The following SGCZ variants were observed in gnomAD, a reference collection of about 807,000 sequenced individuals.
SGCZ encodes sarcoglycan zeta, also known as zeta-sarcoglycan.
Under a neutral mutation model 41.3 loss-of-function variants are expected in SGCZ, and 40 were observed. The observed-to-expected ratio is 0.97, with a 90% CI of 0.75 to 1.26. The LOEUF (loss-of-function observed/expected upper bound fraction) is 1.26. Among genes scored for constraint, SGCZ ranks in the 50% most tolerant of loss-of-function variants. The pLI is 0.00. For missense variants in SGCZ, 552 were observed against 369.8 expected (o/e 1.49, Z -4.04); for synonymous variants, 206 against 137.5 (o/e 1.50, Z -3.49).
At position 14,264,461 on chromosome 8, in the gene SGCZ, C is replaced by T. The variant is rs527686763; in HGVS notation, c.337-26782G>A. On this transcript the variant is annotated intron_variant, in intron 3 of 7. Coordinates refer to ENST00000382080, the MANE Select transcript of SGCZ (RefSeq NM_139167.4). The stretch of plus-strand genomic sequence containing the variant: ...GGACCCACATGCCAGATTTCCCTTC[C>T]TTCAGGAACAAAACATCCGCAGTAG... Among the ~76,000 whole-genome samples the T allele has an allele frequency of 9.9e-5, 15 of 152,256 alleles. No individual in the cohort carries two copies. In the South Asian group the frequency reaches 2.5e-3, roughly 25 times the overall value.
At chr8:14,125,176 T>C (rs994147842) in intron 5 of SGCZ, among the ~76,000 whole-genome samples, 2 of 152,116 alleles carry the variant, frequency 1.3e-5, no homozygotes, top group African/African-American at 2.4e-5. Flanking sequence ...TCCATCCTCA[T>C]GCATAGTAAG....
chr8:14,479,069 A>G (rs1481885143), intron 2 of SGCZ, among the ~76,000 whole-genome samples: 1 of 152,188 alleles, frequency 6.6e-6, no homozygotes, highest in African/African-American at 2.4e-5. Context: ...CATATAAAAT[A>G]GAGTTTATTA....
chr8:14,448,846 T>C (rs972905555), intron 2 of SGCZ, among the ~76,000 whole-genome samples: 2 of 150,324 alleles, frequency 1.3e-5, no homozygotes, highest in East Asian at 2.0e-4. Flanking sequence ...ATACATTTGA[T>C]ATCTACACTG....
At chr8:14,437,945 T>A (rs1360800696) in intron 2 of SGCZ, among the ~76,000 whole-genome samples, 6 of 151,976 alleles carry the variant, frequency 3.9e-5, no homozygotes, top group African/African-American at 1.4e-4. Context: ...GTGTTGTAAA[T>A]AGTTTGGCAT....
At chr8:14,749,351 C>T (rs576038884) in intron 1 of SGCZ, among the ~76,000 whole-genome samples, 5 of 152,190 alleles carry the variant, frequency 3.3e-5, no homozygotes, top group African/African-American at 1.2e-4. Context: ...TTTTTGAATA[C>T]CAAACAGAAA....
At chr8:14,975,264 C>G (rs913729138) in intron 1 of SGCZ, among the ~76,000 whole-genome samples, 2 of 152,142 alleles carry the variant, frequency 1.3e-5, no homozygotes, top group South Asian at 4.1e-4. Context: ...CAAGATCGCA[C>G]CACTGCACTC....
chr8:15,118,639 A>T (rs1807361618), intron 1 of SGCZ, among the ~76,000 whole-genome samples: 1 of 152,182 alleles, frequency 6.6e-6, no homozygotes, highest in Admixed American at 6.5e-5. Context: ...TTAATAGGTC[A>T]ATCAAAAATA....
At chr8:14,734,418 C>G (rs1413114299) in intron 1 of SGCZ, among the ~76,000 whole-genome samples, 1 of 152,106 alleles carries the variant, frequency 6.6e-6, no homozygotes, top group Non-Finnish European at 1.5e-5. Context: ...TGCTATGATA[C>G]AAATTCACGC....
At chr8:14,910,647 G>A (rs1799256636) in intron 1 of SGCZ, among the ~76,000 whole-genome samples, 1 of 151,846 alleles carries the variant, frequency 6.6e-6, no homozygotes, top group East Asian at 1.9e-4. Context: ...GACATTAACA[G>A]AAAACATCGG....
intron 4 of SGCZ, among the ~76,000 whole-genome samples, chr8:14,221,581 G>A (rs1806195500): frequency 1.3e-5 from 2 of 152,184 alleles, no homozygotes; most frequent in Non-Finnish European, 2.9e-5. Context: ...TGGATTGTTT[G>A]AATTACCATT....
intron 1 of SGCZ, among the ~76,000 whole-genome samples, chr8:15,002,853 A>G (rs1298100004): frequency 6.6e-6 from 1 of 152,120 alleles, no homozygotes; most frequent in Non-Finnish European, 1.5e-5. Context: ...TACAGATCCC[A>G]TAAATCCCAC....
chr8:14,250,642 G>C (rs1172810846), intron 3 of SGCZ, among the ~76,000 whole-genome samples: 2 of 152,156 alleles, frequency 1.3e-5, no homozygotes, highest in Non-Finnish European at 2.9e-5. Flanking sequence ...AATACCACTG[G>C]ATTGTGTAGT....
At chr8:14,619,857 C>A (rs926248210) in intron 1 of SGCZ, among the ~76,000 whole-genome samples, 1 of 152,122 alleles carries the variant, frequency 6.6e-6, no homozygotes, top group Admixed American at 6.5e-5. Flanking sequence ...TGAAAATGGC[C>A]ATACTGCCCA....
chr8:14,705,635 T>C (rs527882122), intron 1 of SGCZ, among the ~76,000 whole-genome samples: 3 of 152,170 alleles, frequency 2.0e-5, no homozygotes, highest in East Asian at 3.9e-4. Context: ...TGCTGTGTTT[T>C]ACAGCCCTAA....
At chr8:14,512,052 T>C (rs1462234125) in intron 2 of SGCZ, among the ~76,000 whole-genome samples, 1 of 152,156 alleles carries the variant, frequency 6.6e-6, no homozygotes, top group Non-Finnish European at 1.5e-5. Flanking sequence ...TTCTAGACTA[T>C]CAAATATCCA....
At chr8:14,170,236 A>G (rs1167111194) in intron 4 of SGCZ, among the ~76,000 whole-genome samples, 1 of 152,118 alleles carries the variant, frequency 6.6e-6, no homozygotes, top group African/African-American at 2.4e-5. Flanking sequence ...AAAAGAAAAA[A>G]TATGCTCTAG....
intron 1 of SGCZ, among the ~76,000 whole-genome samples, chr8:15,063,577 T>A (rs1249704232): frequency 6.6e-6 from 1 of 152,154 alleles, no homozygotes; most frequent in African/African-American, 2.4e-5. Flanking sequence ...AAAGTGCAGA[T>A]CTCTTTAATG....
At chr8:14,236,558 C>T (rs1170706287) in intron 4 of SGCZ, among the ~76,000 whole-genome samples, 1 of 151,688 alleles carries the variant, frequency 6.6e-6, no homozygotes, top group Non-Finnish European at 1.5e-5. Flanking sequence ...TGGAAATATA[C>T]ATTTGCATTT....
intron 4 of SGCZ, among the ~76,000 whole-genome samples, chr8:14,233,131 G>T (rs1806632307): frequency 6.6e-6 from 1 of 151,922 alleles, no homozygotes; most frequent in South Asian, 2.1e-4. Flanking sequence ...TACCAGTTAA[G>T]ATTATTCTTT....
Sources: gnomAD v4.1 joint callset for allele counts (sites outside exome capture counted in the v4.1 genomes callset) on GRCh38, gnomAD v4.1.1 for gene constraint, MANE v1.5 for transcripts, NCBI Gene and HGNC (gene_info 2026-07-23, HGNC 2026-07-21) for gene names.